Variants in CNOT1 observed in about 807,000 individuals in gnomAD.
CNOT1 encodes the protein CCR4-associated factor 1.
In CNOT1, 15 loss-of-function variants were observed where a neutral mutation model predicts 273.8. The observed-to-expected ratio is 0.05, with a 90% CI of 0.04 to 0.08. The LOEUF is 0.08. Among genes scored for constraint, CNOT1 ranks in the 10% least tolerant of loss-of-function variants. CNOT1 has a pLI of 1.00. For missense variants in CNOT1, 1,644 were observed against 2,912.2 expected, an observed-to-expected ratio of 0.56 and a Z score of 10.02; for synonymous variants, 1,022 against 1,005.5, an observed-to-expected ratio of 1.02 and a Z score of -0.31.
At chr16:58,531,809 G>T in intron 42 of CNOT1, 149 bp downstream of exon 42, 1 of 923,492 alleles carries the variant, frequency 1.1e-6, no homozygotes. Context: ...TCAAGTAATT[G>T]ACTTGAGTGA....
rs1045487066 is a variant in CNOT1, at chr16:58,520,607, G to C, written c.*351C>G. ...AGCTATGCCCTCAGACAAGTGCATG[G>C]CATCAGCTGCCTCTTCATTACAAGG... On this transcript the variant is annotated 3_prime_UTR_variant, in exon 49 of 49. Coordinates refer to ENST00000317147, the MANE Select transcript of CNOT1 (RefSeq NM_016284.5). 20 of 257,546 alleles carry C rather than the reference G, an allele frequency of 7.8e-5. No homozygotes were observed. The highest frequency in any genetic ancestry group is 3.7e-4 in the African/African-American group (17 of 46,070). The allele number at this position is 257,546 out of a possible 1,614,324, so 16.0% of individuals were successfully genotyped here.
intron 25 of CNOT1, among the ~76,000 whole-genome samples, chr16:58,549,296 G>GA (rs59714224): frequency 0.31 from 37,542 of 119,350 alleles, 6,653 homozygotes; most frequent in Non-Finnish European, 0.44. Context: ...CAAAAAAATT[G>GA]AAAAAAAAAA....
intron 16 of CNOT1, among the ~76,000 whole-genome samples, chr16:58,567,887 C>T (rs1194492002): frequency 6.6e-6 from 1 of 152,222 alleles, no homozygotes; most frequent in Non-Finnish European, 1.5e-5. Context: ...ATTATTTCAT[C>T]TGTATAGGGA....
chr16:58,538,749 A>G (rs746870451), intron 36 of CNOT1, 23 bp downstream of exon 36: 2 of 1,609,916 alleles, frequency 1.2e-6, no homozygotes, highest in Admixed American at 3.3e-5. Context: ...AATACTCACT[A>G]CTTTTCGAAG....
At chr16:58,568,051 G>C (rs2041118118) in intron 16 of CNOT1, among the ~76,000 whole-genome samples, 1 of 152,138 alleles carries the variant, frequency 6.6e-6, no homozygotes. Context: ...ACTACAGTTG[G>C]AGCAAACTAC....
In CNOT1 at chr16:58,546,356, T is replaced by C. The variant is rs781005770; in HGVS notation, c.3971A>G (p.Lys1324Arg). 3.1e-6 allele frequency: 5 copies of C among 1,613,842 alleles called. No individual in the cohort carries two copies. The highest frequency in any genetic ancestry group is 2.2e-5 in the East Asian group (1 of 44,868). The part of the protein sequence containing the change: ...EQLSAPKKDV[K>R]QPEELPPITT... ...GATGGGAGGGAGTTCTTCTGGCTGC[T>C]TGACATCTTTCTTTGGAGCAGAGAG... The change falls in exon 29 of 49, where the codon AAG becomes AGG. Residue 1324 changes from lysine (K) to arginine (R), a missense_variant. By Grantham distance (26) the Lys-to-Arg change is conservative (BLOSUM62 2). Coordinates refer to ENST00000317147, the MANE Select transcript of CNOT1 (RefSeq NM_016284.5).
chr16:58,566,385 A>T (rs1244020498), intron 16 of CNOT1, among the ~76,000 whole-genome samples: 1 of 152,244 alleles, frequency 6.6e-6, no homozygotes, highest in Admixed American at 6.5e-5. Context: ...ATTTTTCAAC[A>T]AGTACTGCTA....
intron 16 of CNOT1, among the ~76,000 whole-genome samples, chr16:58,560,751 G>A (rs71389025): frequency 0.05 from 7,554 of 152,274 alleles, 254 homozygotes; most frequent in Middle Eastern, 0.088. Flanking sequence ...GAGGCTGAGC[G>A]TAGTGGTTCA....
chr16:58,538,455 TAC>T (rs1275070919), intron 36 of CNOT1, among the ~76,000 whole-genome samples, 189 bp from the exon 37 acceptor site: 3 of 152,328 alleles, frequency 2.0e-5, no homozygotes, highest in African/African-American at 7.2e-5. Flanking sequence ...AATCCTAGGA[TAC>T]AGAGTATTCC....
intron 2 of CNOT1, among the ~76,000 whole-genome samples, chr16:58,590,715 T>C (rs1380089085): frequency 6.6e-6 from 1 of 152,118 alleles, no homozygotes; most frequent in East Asian, 1.9e-4. Context: ...CAGTGAGCTA[T>C]GATGGTGCCA....
intron 42 of CNOT1, among the ~76,000 whole-genome samples, chr16:58,530,889 CCA>C (rs2039760001): frequency 1.3e-5 from 2 of 151,988 alleles, no homozygotes; most frequent in African/African-American, 2.4e-5. Context: ...AAAACTGGCT[CCA>C]GAGATTTCAA....
At chr16:58,581,213 G>T in intron 11 of CNOT1, 132 bp downstream of exon 11, 1 of 1,028,952 alleles carries the variant, frequency 9.7e-7, no homozygotes. Context: ...CTTATGGACA[G>T]TCCTTGCTTT....
intron 44 of CNOT1, chr16:58,528,049 G>C (rs971955265): frequency 4.8e-6 from 2 of 416,650 alleles, no homozygotes; most frequent in Admixed American, 5.9e-5. Context: ...CGAAGGGGAG[G>C]TTGCAGTAAG....
At chr16:58,603,703 C>G (rs2042562354) in intron 1 of CNOT1, among the ~76,000 whole-genome samples, 2 of 152,014 alleles carry the variant, frequency 1.3e-5, no homozygotes, top group African/African-American at 2.4e-5. Flanking sequence ...CAAACTGATA[C>G]CTTAGTCTGG....
At position 58,544,423 on chromosome 16, in the gene CNOT1, C is replaced by T. The variant is rs1191432119; in HGVS notation, c.4138-520G>A. On this transcript the variant is annotated intron_variant, in intron 30 of 48. Coordinates refer to ENST00000317147, the MANE Select transcript of CNOT1 (RefSeq NM_016284.5). ...GGTGTAAATTATGCCCCAAAACTTA[C>T]TTGGTCCCTTTAACTTGTTGAATTA... Among the ~76,000 whole-genome samples, 4 of 149,248 alleles carry T rather than the reference C, an allele frequency of 2.7e-5. No homozygotes were observed. In the Admixed American group the frequency reaches 2.7e-4, roughly 10 times the overall value.
At chr16:58,606,541 G>A (rs187859581) in intron 1 of CNOT1, among the ~76,000 whole-genome samples, 9 of 152,178 alleles carry the variant, frequency 5.9e-5, no homozygotes, top group East Asian at 5.8e-4. Context: ...ACCGGCTCAC[G>A]CCTGTAATCC....
intron 16 of CNOT1, among the ~76,000 whole-genome samples, chr16:58,568,639 C>T (rs541356565): frequency 6.6e-6 from 1 of 152,052 alleles, no homozygotes; most frequent in East Asian, 1.9e-4. Flanking sequence ...GAGATCGTGC[C>T]ACTGCACTCC....
At chr16:58,576,678 A>T in intron 13 of CNOT1, 96 bp from the exon 14 acceptor site, 4 of 1,540,668 alleles carry the variant, frequency 2.6e-6, no homozygotes, top group Non-Finnish European at 3.5e-6. Flanking sequence ...ACTTGTATAA[A>T]AATCAGGTAT....
intron 31 of CNOT1, chr16:58,543,146 A>G (rs1038535534): frequency 1.5e-6 from 2 of 1,378,864 alleles, no homozygotes; most frequent in Admixed American, 5.8e-5. Context: ...TTAAAGCAGT[A>G]AACAAATTAT....
Sources: gnomAD v4.1 joint callset for allele counts (sites outside exome capture counted in the v4.1 genomes callset) on GRCh38, gnomAD v4.1.1 for gene constraint, MANE v1.5 for transcripts, NCBI Gene and HGNC (gene_info 2026-07-23, HGNC 2026-07-21) for gene names.